Variants in GSK3B observed in about 807,000 individuals in gnomAD.
GSK3B encodes the protein glycogen synthase kinase-3 beta.
A neutral mutation model predicts 56.4 loss-of-function variants in GSK3B; 15 were observed. The ratio of observed to expected loss-of-function variants is 0.27; its 90% CI spans 0.18 to 0.41. The LOEUF is 0.41. Ranked by LOEUF, GSK3B falls within the 10% of genes least tolerant of loss-of-function variation. The probability of loss-of-function intolerance (pLI) is 1.00; values close to 1 mark genes in which losing one functional copy is unlikely to be tolerated. For missense variants in GSK3B, 300 were observed against 513.4 expected, an observed-to-expected ratio of 0.58 and a Z score of 4.02; for synonymous variants, 181 against 188.9, an observed-to-expected ratio of 0.96 and a Z score of 0.34.
intron 2 of GSK3B, among the ~76,000 whole-genome samples, chr3:119,957,110 A>G (rs1208551238): frequency 6.6e-6 from 1 of 152,244 alleles, no homozygotes; most frequent in African/African-American, 2.4e-5. Flanking sequence ...TCAATTTTGT[A>G]CTTAGTACAT....
At chr3:119,914,393 T>C (rs1308068090) in intron 5 of GSK3B, among the ~76,000 whole-genome samples, 1 of 152,068 alleles carries the variant, frequency 6.6e-6, no homozygotes, top group Non-Finnish European at 1.5e-5. Flanking sequence ...AGAATAAAGC[T>C]ATTTTATGTC....
chr3:119,933,803 G>A (rs1421657532), intron 3 of GSK3B, among the ~76,000 whole-genome samples: 1 of 152,160 alleles, frequency 6.6e-6, no homozygotes, highest in African/African-American at 2.4e-5. Context: ...CTTGAGCCTG[G>A]GAGGCAGAGG....
chr3:119,914,265 C>T (rs1031058044), intron 5 of GSK3B, among the ~76,000 whole-genome samples: 4 of 151,968 alleles, frequency 2.6e-5, no homozygotes, highest in African/African-American at 7.2e-5. Flanking sequence ...TGATAATGTA[C>T]AGTCCAAAGT....
chr3:119,899,999 C>T (rs547937598), intron 7 of GSK3B, among the ~76,000 whole-genome samples: 10 of 152,108 alleles, frequency 6.6e-5, no homozygotes, highest in African/African-American at 1.7e-4. Flanking sequence ...TTACAGATAA[C>T]TGAAATTACT....
At chr3:119,843,568 C>A (rs2055810436) in intron 9 of GSK3B, 1 of 227,138 alleles carries the variant, frequency 4.4e-6, no homozygotes, top group Admixed American at 5.7e-5. Flanking sequence ...CATGGTGAAA[C>A]CCCGTCTCTA....
chr3:119,999,914 G>A lies in GSK3B; in HGVS notation c.282+2132C>T, dbSNP rs79873794. On this transcript the variant is annotated intron_variant, in intron 2 of 10. Coordinates refer to ENST00000264235, the MANE Select transcript of GSK3B (RefSeq NM_001146156.2). Reference sequence around the variant, plus strand: ...TCTGCGTACACAAGTAAACTAGGCAGGTTTTACTTTCTAGACTATGAAGAA... The same window carrying A: ...TCTGCGTACACAAGTAAACTAGGCAAGTTTTACTTTCTAGACTATGAAGAA... Among the ~76,000 whole-genome samples the A allele has an allele frequency of 2.6e-5, 4 of 152,314 alleles. No homozygotes were observed. The East Asian group carries it at 5.8e-4, about 22-fold the overall frequency.
chr3:120,049,004 T>C (rs1022756900), intron 1 of GSK3B, among the ~76,000 whole-genome samples: 4 of 152,210 alleles, frequency 2.6e-5, no homozygotes, highest in African/African-American at 4.8e-5. Context: ...AGGGAAAAGT[T>C]AGTAGCTAAG....
At chr3:119,931,601 C>G (rs1045176293) in intron 3 of GSK3B, among the ~76,000 whole-genome samples, 1 of 151,572 alleles carries the variant, frequency 6.6e-6, no homozygotes, top group Non-Finnish European at 1.5e-5. Flanking sequence ...GGTGACAGAG[C>G]AAGACTGTCT....
At chr3:119,958,239 C>T (rs1236232293) in intron 2 of GSK3B, among the ~76,000 whole-genome samples, 1 of 152,174 alleles carries the variant, frequency 6.6e-6, no homozygotes, top group African/African-American at 2.4e-5. Flanking sequence ...GCCTCCCCAG[C>T]CATGTGGAAC....
chr3:120,092,437 T>C (rs2058520619), intron 1 of GSK3B, among the ~76,000 whole-genome samples: 1 of 152,200 alleles, frequency 6.6e-6, no homozygotes, highest in Non-Finnish European at 1.5e-5. Flanking sequence ...TCGTCCTTTT[T>C]AAGGAACCCG....
chr3:119,951,264 T>C (rs1397755681), intron 2 of GSK3B, among the ~76,000 whole-genome samples: 2 of 152,180 alleles, frequency 1.3e-5, no homozygotes, highest in African/African-American at 4.8e-5. Flanking sequence ...AACTCACATA[T>C]AGGATCATCA....
At chr3:119,874,604 T>C (rs1342972939) in intron 8 of GSK3B, among the ~76,000 whole-genome samples, 1 of 151,932 alleles carries the variant, frequency 6.6e-6, no homozygotes, top group Admixed American at 6.6e-5. Context: ...TTCAGCTTTA[T>C]ATTTGTCAGA....
intron 1 of GSK3B, among the ~76,000 whole-genome samples, chr3:120,002,897 C>A (rs914106594): frequency 1.3e-5 from 2 of 152,136 alleles, no homozygotes; most frequent in Admixed American, 6.5e-5. Context: ...CCATCCAATT[C>A]TAAAAGGCCT....
intron 8 of GSK3B, among the ~76,000 whole-genome samples, chr3:119,865,263 T>C (rs1004070546): frequency 6.6e-6 from 1 of 151,732 alleles, no homozygotes; most frequent in African/African-American, 2.4e-5. Flanking sequence ...TGCACCAATA[T>C]GGCAGCACAT....
intron 8 of GSK3B, among the ~76,000 whole-genome samples, chr3:119,865,694 C>T (rs2056173728): frequency 6.6e-6 from 1 of 151,616 alleles, no homozygotes; most frequent in South Asian, 2.1e-4. Context: ...TGGTCTCCAT[C>T]TCCTGACCTC....
At chr3:119,844,591 A>G (rs151223694) in intron 9 of GSK3B, among the ~76,000 whole-genome samples, 1,760 of 152,336 alleles carry the variant, frequency 0.012, 19 homozygotes, top group Non-Finnish European at 0.018. Flanking sequence ...AGAAATGGAT[A>G]AATTCCTGGA....
chr3:119,947,417 T>C, intron 2 of GSK3B, 66 bp from the exon 3 acceptor site: 1 of 993,496 alleles, frequency 1.0e-6, no homozygotes, highest in Non-Finnish European at 1.6e-6. Flanking sequence ...TTGAACAAGA[T>C]GCTTCTGAAA....
At chr3:120,077,074 G>A (rs888648389) in intron 1 of GSK3B, among the ~76,000 whole-genome samples, 3 of 152,162 alleles carry the variant, frequency 2.0e-5, no homozygotes, top group African/African-American at 7.2e-5. Flanking sequence ...CTGTTGGTGA[G>A]AATGCAGATT....
chr3:120,009,392 A>C (rs771369320), intron 1 of GSK3B, among the ~76,000 whole-genome samples: 45 of 152,218 alleles, frequency 3.0e-4, no homozygotes, highest in Non-Finnish European at 6.2e-4. Flanking sequence ...ACGTACATTT[A>C]CTGCGGCACT....
Sources: allele counts gnomAD v4.1 joint callset (sites outside exome capture counted in the v4.1 genomes callset), GRCh38; gene constraint gnomAD v4.1.1; transcripts MANE v1.5; gene names NCBI Gene and HGNC (gene_info 2026-07-23, HGNC 2026-07-21).